Variants in TEX10 observed in about 807,000 individuals in gnomAD.
TEX10 encodes the protein testis expressed 10.
A neutral mutation model predicts 104.4 loss-of-function variants in TEX10; 24 were observed. The ratio of observed to expected loss-of-function variants is 0.23; its 90% CI spans 0.17 to 0.32. TEX10 has a LOEUF of 0.32. Among genes scored for constraint, TEX10 ranks in the 10% least tolerant of loss-of-function variants. The pLI is 1.00. For synonymous variants in TEX10, 396 were observed against 393.4 expected, an observed-to-expected ratio of 1.01 and a Z score of -0.08; for missense variants, 921 against 1,083.9, an observed-to-expected ratio of 0.85 and a Z score of 2.11.
Position 100,326,347 on chromosome 9 carries a change from A to G in TEX10, c.1934T>C (p.Leu645Pro). Residue 645 changes from leucine to proline, a missense_variant, in exon 9 of 15, where the codon CTC becomes CCC. By Grantham distance (98) the Leu-to-Pro change is moderately conservative. Coordinates refer to ENST00000374902, the MANE Select transcript of TEX10 (RefSeq NM_017746.4). ...AAGCATGGCAGCCAAACTTGAACTG[A>G]GTCTTCCCATAATACAGCAACGACT... ...RLSRCCIMGR[L>P]SSSLAAMLIG... 6.2e-7 allele frequency: 1 copy of G among 1,614,070 alleles called. No individual in the cohort carries two copies. Among genetic ancestry groups the G allele is most frequent in the Non-Finnish European group, 8.5e-7 (1 of 1,179,966 alleles).
In TEX10 at chr9:100,303,697, C is replaced by T. The variant is rs762301849; in HGVS notation, c.2611G>A (p.Ala871Thr). The T allele has an allele frequency of 6.2e-7, 1 of 1,614,120 alleles. No individual in the cohort carries two copies. The highest frequency in any genetic ancestry group is 1.3e-5 in the African/African-American group (1 of 75,044). Residue 871 changes from alanine to threonine, a missense_variant, in exon 14 of 15, where the codon GCA (alanine) becomes ACA (threonine). Ala to Thr is a moderately conservative substitution (Grantham distance 58). Transcript: ENST00000374902. The part of the protein sequence containing the change: ...GQLLRLLLQH[A>T]PLRTHMLTNA... The stretch of plus-strand genomic sequence containing the variant: ...GTCAACATATGAGTCCTGAGGGGTG[C>T]ATGCTGAAGCAGCAGTCGAAGCAGC...
chr9:100,317,707 G>A (rs1426071183), intron 11 of TEX10, among the ~76,000 whole-genome samples: 1 of 151,984 alleles, frequency 6.6e-6, no homozygotes, highest in Non-Finnish European at 1.5e-5. Context: ...TGCAGAATGG[G>A]AGAAAATATA....
chr9:100,334,242 A>C (rs1391687791), intron 5 of TEX10, among the ~76,000 whole-genome samples: 1 of 152,174 alleles, frequency 6.6e-6, no homozygotes, highest in Non-Finnish European at 1.5e-5. Flanking sequence ...ATGAAAGACA[A>C]GAAGAAAAAC....
rs1834088597 is a variant in TEX10, at chr9:100,304,244, A to T, written c.2466-402T>A. 3 of 222,974 alleles carry T rather than the reference A, an allele frequency of 1.3e-5. No homozygotes were observed. In the South Asian group the frequency reaches 2.1e-4, roughly 16 times the overall value. 13.8% of individuals were successfully genotyped at this position (222,974 alleles called of 1,614,324 possible). A position where few individuals can be genotyped will look rare whatever the true frequency, so the allele number is the denominator to read the frequency against. On this transcript the variant is annotated intron_variant, in intron 13 of 14. Coordinates refer to ENST00000374902, the MANE Select transcript of TEX10 (RefSeq NM_017746.4). ...ATCATTCTTCACACAATTAAAAAAA[A>T]ATATTCTAAAATTCACATGGAACCA... is the stretch of plus-strand genomic sequence containing the variant.
intron 13 of TEX10, chr9:100,307,331 T>C (rs888555569): frequency 6.6e-6 from 1 of 152,246 alleles, no homozygotes; most frequent in Non-Finnish European, 1.5e-5. Context: ...TATCTATTGA[T>C]GCTTTCACAC....
Position 100,303,851 on chromosome 9 carries a change from A to G in TEX10, c.2466-9T>C. On this transcript the variant is annotated splice_polypyrimidine_tract_variant and intron_variant, in intron 13 of 14. Coordinates refer to ENST00000374902, the MANE Select transcript of TEX10 (RefSeq NM_017746.4). Reference sequence around the variant, plus strand: ...CCCCCCACAGCTTGTCCCTACAATAACAGAGACAGAAATGAGTCAGTGAGC... The same window carrying G: ...CCCCCCACAGCTTGTCCCTACAATAGCAGAGACAGAAATGAGTCAGTGAGC... 1 of 1,613,432 alleles carries G rather than the reference A, an allele frequency of 6.2e-7. No homozygotes were observed. The highest frequency in any genetic ancestry group is 8.5e-7 in the Non-Finnish European group (1 of 1,179,816).
chr9:100,341,384 T>G (rs1486326025), intron 4 of TEX10, among the ~76,000 whole-genome samples: 1 of 152,190 alleles, frequency 6.6e-6, no homozygotes, highest in African/African-American at 2.4e-5. Context: ...AGCTCCAGAT[T>G]TTATATGCAA....
At chr9:100,331,185 C>T (rs943004994) in intron 5 of TEX10, among the ~76,000 whole-genome samples, 1 of 152,148 alleles carries the variant, frequency 6.6e-6, no homozygotes. Flanking sequence ...CACTTGAACC[C>T]AGGAGGCGGA....
In TEX10 at chr9:100,302,218, C is replaced by T. The variant is rs748947632; in HGVS notation, c.2763G>A (p.Gly921=). 1.2e-6 allele frequency: 2 copies of T among 1,611,978 alleles called. No individual in the cohort carries two copies. The highest frequency in any genetic ancestry group is 8.5e-7 in the Non-Finnish European group (1 of 1,178,682). ...AATACACTGTAGCCAGTGCACTGGG[C>T]CCTTGGGGATGCCCAGTGATATACA... ...FNVYITGHPQ[G]PSALATVY The change falls in exon 15 of 15, where the codon GGG becomes GGA. Residue 921 remains glycine (G), a synonymous_variant. Transcript: ENST00000374902.
At chr9:100,307,373 G>C (rs1834167429) in intron 13 of TEX10, 1 of 152,196 alleles carries the variant, frequency 6.6e-6, no homozygotes, top group Admixed American at 6.5e-5. Context: ...CCATGACAGA[G>C]ACCTAATGGT....
chr9:100,335,169 C>T (rs896528777), intron 5 of TEX10, among the ~76,000 whole-genome samples: 4 of 152,128 alleles, frequency 2.6e-5, no homozygotes, highest in Admixed American at 6.5e-5. Flanking sequence ...CCATTCATCA[C>T]ACAGAATATT....
intron 5 of TEX10, among the ~76,000 whole-genome samples, chr9:100,332,868 A>T (rs548595739): frequency 1.7e-4 from 26 of 152,170 alleles, no homozygotes; most frequent in African/African-American, 6.3e-4. Flanking sequence ...AGATTCCAGC[A>T]CTCAAGGTTT....
At chr9:100,306,657 C>A (rs770238217) in intron 13 of TEX10, 3 of 152,158 alleles carry the variant, frequency 2.0e-5, no homozygotes, top group Non-Finnish European at 4.4e-5. Flanking sequence ...AACACCTTCT[C>A]CAGTGGGGAA....
intron 11 of TEX10, among the ~76,000 whole-genome samples, chr9:100,311,988 G>A (rs1399664935): frequency 2.6e-5 from 4 of 151,808 alleles, no homozygotes; most frequent in South Asian, 2.1e-4. Context: ...GTGGGGGGGG[G>A]AATCAACAGA....
At chr9:100,338,690 C>T (rs1382645128) in intron 5 of TEX10, among the ~76,000 whole-genome samples, 1 of 152,050 alleles carries the variant, frequency 6.6e-6, no homozygotes, top group Admixed American at 6.6e-5. Flanking sequence ...GAGTTTGAGA[C>T]CATCCTGGCT....
chr9:100,352,797 G>A lies in TEX10; in HGVS notation c.-35C>T, dbSNP rs367684654. ...CTGAGGACCCGGCCGCGGCCGGGGC[G>A]AGAAGCCCGAGAAGACAAGCGAGGG... On this transcript the variant is annotated 5_prime_UTR_variant, in exon 1 of 15. Coordinates refer to ENST00000374902, the MANE Select transcript of TEX10 (RefSeq NM_017746.4). 1.9e-6 allele frequency: 2 copies of A among 1,062,550 alleles called. No homozygotes were observed. Among genetic ancestry groups the A allele is most frequent in the East Asian group, 7.7e-5 (1 of 12,988 alleles). 65.8% of individuals were successfully genotyped at this position (1,062,550 alleles called of 1,614,324 possible). A position where few individuals can be genotyped will look rare whatever the true frequency, so the allele number is the denominator to read the frequency against.
At chr9:100,322,103 G>A (rs767348778) in intron 9 of TEX10, among the ~76,000 whole-genome samples, 5 of 152,176 alleles carry the variant, frequency 3.3e-5, no homozygotes, top group Non-Finnish European at 5.9e-5. Context: ...AGGTTCAGCT[G>A]CTATGTATTT....
chr9:100,317,473 T>C (rs1588169368), intron 11 of TEX10, among the ~76,000 whole-genome samples: 1 of 152,056 alleles, frequency 6.6e-6, no homozygotes. Context: ...TCTCTTACAA[T>C]ATACAAAAAT....
At chr9:100,343,991 C>T (rs1319352481) in intron 4 of TEX10, among the ~76,000 whole-genome samples, 1 of 152,186 alleles carries the variant, frequency 6.6e-6, no homozygotes, top group African/African-American at 2.4e-5. Context: ...ATGCTACTAA[C>T]AATCTATCAT....
Sources: allele counts gnomAD v4.1 joint callset (sites outside exome capture counted in the v4.1 genomes callset), GRCh38; gene constraint gnomAD v4.1.1; transcripts MANE v1.5; gene names NCBI Gene and HGNC (gene_info 2026-07-23, HGNC 2026-07-21).